Variants in NUBPL observed in about 807,000 individuals in gnomAD.
NUBPL encodes iron-sulfur cluster transfer protein NUBPL.
In NUBPL, 31 loss-of-function variants were observed where a neutral mutation model predicts 45.7. The observed-to-expected ratio is 0.68, with a 90% CI of 0.51 to 0.92. The LOEUF is 0.92. Among genes scored for constraint, NUBPL ranks in the 40% least tolerant of loss-of-function variants. The pLI is 0.00. For missense variants in NUBPL, 401 were observed against 398.7 expected, an observed-to-expected ratio of 1.01 and a Z score of -0.05; for synonymous variants, 144 against 140.9, an observed-to-expected ratio of 1.02 and a Z score of -0.15.
At chr14:31,785,974 A>G (rs564938847) in intron 6 of NUBPL, among the ~76,000 whole-genome samples, 1 of 152,208 alleles carries the variant, frequency 6.6e-6, no homozygotes, top group African/African-American at 2.4e-5. Context: ...GCTTGGCAAC[A>G]TGGCGAAACC....
At chr14:31,767,343 C>T (rs1193723920) in intron 6 of NUBPL, among the ~76,000 whole-genome samples, 1 of 152,094 alleles carries the variant, frequency 6.6e-6, no homozygotes, top group Non-Finnish European at 1.5e-5. Flanking sequence ...GCTAGGACTA[C>T]AGGCGCCCGC....
intron 4 of NUBPL, among the ~76,000 whole-genome samples, chr14:31,657,727 T>C (rs981516742): frequency 6.6e-6 from 1 of 152,208 alleles, no homozygotes; most frequent in African/African-American, 2.4e-5. Flanking sequence ...GTCATTCATA[T>C]TTTTCTAACT....
chr14:31,615,846 G>C (rs2034885115), intron 4 of NUBPL, among the ~76,000 whole-genome samples: 1 of 152,104 alleles, frequency 6.6e-6, no homozygotes, highest in South Asian at 2.1e-4. Context: ...GCTATTTCTG[G>C]TTCTAGATCC....
At chr14:31,657,223 G>A (rs1277248497) in intron 4 of NUBPL, among the ~76,000 whole-genome samples, 1 of 152,144 alleles carries the variant, frequency 6.6e-6, no homozygotes, top group Admixed American at 6.5e-5. Context: ...ATTTAATGTG[G>A]TATGGCAGTC....
intron 4 of NUBPL, among the ~76,000 whole-genome samples, chr14:31,645,314 T>C (rs8005391): frequency 0.92 from 140,247 of 152,182 alleles, 64,676 homozygotes; most frequent in East Asian, 1. Context: ...GATCCGCCCA[T>C]CTCAGCCTCC....
rs765747555 is a variant in NUBPL at position 31,561,443 on chromosome 14, G to C, written c.4G>C (p.Gly2Arg). Reference sequence around the variant, plus strand: ...GCTCACAGCAGCGTTCCGCGTCATGGGGATTTGGCAGCGTCTGCTGCTTTT... The same window carrying C: ...GCTCACAGCAGCGTTCCGCGTCATGCGGATTTGGCAGCGTCTGCTGCTTTT... M[G>R]IWQRLLLFGG... Residue 2 changes from glycine to arginine, a missense_variant, in exon 1 of 11, where the codon GGG becomes CGG. Coordinates refer to ENST00000281081, the MANE Select transcript of NUBPL (RefSeq NM_025152.3). 84 of 1,407,554 alleles carry C rather than the reference G, an allele frequency of 6.0e-5. No homozygotes were observed. In the East Asian group the frequency reaches 2.3e-3, roughly 39 times the overall value. The allele number at this position is 1,407,554 out of a possible 1,614,324, so 87.2% of individuals were successfully genotyped here. A position where few individuals can be genotyped will look rare whatever the true frequency, so the allele number is the denominator to read the frequency against.
intron 7 of NUBPL, among the ~76,000 whole-genome samples, chr14:31,799,585 T>G (rs1236949683): frequency 2.0e-5 from 3 of 152,204 alleles, no homozygotes; most frequent in African/African-American, 4.8e-5. Context: ...TTTTGGTTTC[T>G]CAGTACATAC....
At chr14:31,790,765 G>A (rs982795523) in intron 7 of NUBPL, among the ~76,000 whole-genome samples, 1 of 151,936 alleles carries the variant, frequency 6.6e-6, no homozygotes, top group Non-Finnish European at 1.5e-5. Flanking sequence ...ACAGGAGAAT[G>A]GCATGAAGCT....
intron 6 of NUBPL, among the ~76,000 whole-genome samples, chr14:31,750,419 G>A (rs553715134): frequency 8.8e-5 from 13 of 147,958 alleles, no homozygotes; most frequent in South Asian, 4.3e-4. Flanking sequence ...CCGTGGTCTC[G>A]ATCTCCTGAC....
intron 4 of NUBPL, among the ~76,000 whole-genome samples, chr14:31,640,415 C>T (rs1413347328): frequency 6.6e-6 from 1 of 152,020 alleles, no homozygotes; most frequent in Non-Finnish European, 1.5e-5. Flanking sequence ...GCCTGGCCAA[C>T]ATGGCAAAAC....
intron 6 of NUBPL, among the ~76,000 whole-genome samples, chr14:31,702,458 G>C (rs2037361623): frequency 6.6e-6 from 1 of 152,194 alleles, no homozygotes; most frequent in African/African-American, 2.4e-5. Context: ...AGAGACCTTA[G>C]AGATTACATC....
At chr14:31,838,777 T>A (rs1038501581) in intron 8 of NUBPL, among the ~76,000 whole-genome samples, 3 of 152,200 alleles carry the variant, frequency 2.0e-5, no homozygotes, top group African/African-American at 7.2e-5. Context: ...ATTTTACATT[T>A]TTTTTACTTG....
intron 7 of NUBPL, among the ~76,000 whole-genome samples, chr14:31,803,726 T>G (rs142447337): frequency 1.3e-5 from 2 of 152,234 alleles, no homozygotes; most frequent in African/African-American, 4.8e-5. Flanking sequence ...TAAAAAATTC[T>G]TTCTGAAATA....
At chr14:31,566,744 A>G (rs1165187097) in intron 3 of NUBPL, among the ~76,000 whole-genome samples, 1 of 152,146 alleles carries the variant, frequency 6.6e-6, no homozygotes, top group Non-Finnish European at 1.5e-5. Flanking sequence ...GCTAGGTCCA[A>G]TTGAAGATCC....
rs531517390 is a variant in NUBPL, at chr14:31,617,643, A to G, written c.382+18264A>G. ...GATGAAGCTGACTTGATCTTGGTAG[A>G]TAAGTGTTTTGATGTGCTGCTGGAT... On this transcript the variant is annotated intron_variant, in intron 4 of 10. Transcript: ENST00000281081. 5.3e-5 allele frequency among the ~76,000 whole-genome samples: 8 copies of G among 152,312 alleles called. No homozygotes were observed. The South Asian group carries it at 1.7e-3, about 32-fold the overall frequency.
chr14:31,651,551 G>T (rs1298713921), intron 4 of NUBPL, among the ~76,000 whole-genome samples: 1 of 152,068 alleles, frequency 6.6e-6, no homozygotes, highest in Non-Finnish European at 1.5e-5. Context: ...CTGATAAAGG[G>T]TTAATATCCA....
chr14:31,782,216 G>A (rs1245862609), intron 6 of NUBPL, among the ~76,000 whole-genome samples: 1 of 152,122 alleles, frequency 6.6e-6, no homozygotes, highest in Non-Finnish European at 1.5e-5. Flanking sequence ...GCAAGATGGT[G>A]AATCCCCATC....
At chr14:31,749,753 T>TTGGG (rs1296839582) in intron 6 of NUBPL, among the ~76,000 whole-genome samples, 2 of 152,192 alleles carry the variant, frequency 1.3e-5, no homozygotes, top group African/African-American at 4.8e-5. Context: ...CTCCCATGAC[T>TTGGG]TGGGAAACTT....
intron 4 of NUBPL, among the ~76,000 whole-genome samples, chr14:31,665,847 ATTACT>A (rs2139784910): frequency 6.6e-6 from 1 of 152,150 alleles, no homozygotes; most frequent in African/African-American, 2.4e-5. Flanking sequence ...GTCTCCCACT[ATTACT>A]GTGGGGGAGT....
Sources: gnomAD v4.1 joint callset for allele counts (sites outside exome capture counted in the v4.1 genomes callset) on GRCh38, gnomAD v4.1.1 for gene constraint, MANE v1.5 for transcripts, NCBI Gene and HGNC (gene_info 2026-07-23, HGNC 2026-07-21) for gene names.